The following LARP1B variants were observed in gnomAD, a reference collection of about 807,000 sequenced individuals.
LARP1B encodes the protein la-related protein 1B.
LARP1B carries 76 observed loss-of-function variants against 114.2 expected under a neutral mutation model. The ratio of observed to expected loss-of-function variants is 0.67; its 90% CI spans 0.55 to 0.81. The LOEUF (loss-of-function observed/expected upper bound fraction) is 0.81. Ranked by LOEUF, LARP1B falls within the 30% of genes least tolerant of loss-of-function variation. LARP1B has a pLI of 0.00. For missense variants in LARP1B, 1,014 were observed against 1,075.8 expected, an observed-to-expected ratio of 0.94 and a Z score of 0.80; for synonymous variants, 345 against 348.0, an observed-to-expected ratio of 0.99 and a Z score of 0.10.
chr4:128,213,631 G>T (rs1321831813), downstream of LARP1B, among the ~76,000 whole-genome samples: 2 of 152,188 alleles, frequency 1.3e-5, no homozygotes, highest in Non-Finnish European at 2.9e-5. Context: ...CAAAATTTAT[G>T]AAAGTCCCTA....
chr4:128,111,846 T>C (rs1027906693), intron 9 of LARP1B, among the ~76,000 whole-genome samples: 5 of 151,658 alleles, frequency 3.3e-5, no homozygotes, highest in African/African-American at 9.7e-5. Context: ...CACGCCTGGC[T>C]AATTTTTGTA....
At chr4:128,205,334 A>C (rs1426529836) in intron 17 of LARP1B, among the ~76,000 whole-genome samples, 3 of 152,234 alleles carry the variant, frequency 2.0e-5, no homozygotes, top group Non-Finnish European at 4.4e-5. Flanking sequence ...ATTCTAACTT[A>C]GGAGTGTTTT....
chr4:128,075,974 T>G (rs1220122472), intron 3 of LARP1B, among the ~76,000 whole-genome samples: 1 of 152,218 alleles, frequency 6.6e-6, no homozygotes, highest in Non-Finnish European at 1.5e-5. Flanking sequence ...TTTACCCGCT[T>G]TTCAGATAAC....
intron 11 of LARP1B, among the ~76,000 whole-genome samples, chr4:128,161,723 C>G (rs1738606696): frequency 6.6e-6 from 1 of 152,134 alleles, no homozygotes; most frequent in Non-Finnish European, 1.5e-5. Context: ...TCAAGAGGTG[C>G]TTTTGTCCCA....
At chr4:128,066,165 C>CTTTTTTTTT (rs59927866) in intron 1 of LARP1B, among the ~76,000 whole-genome samples, 426 of 99,154 alleles carry the variant, frequency 4.3e-3, no homozygotes, top group Middle Eastern at 0.01. Flanking sequence ...TTTCTTTCTT[C>CTTTTTTTTT]TTTTTTTTTT....
intron 7 of LARP1B, among the ~76,000 whole-genome samples, chr4:128,220,825 A>G (rs78039445): frequency 0.022 from 3,291 of 152,302 alleles, 72 homozygotes; most frequent in East Asian, 0.1. Flanking sequence ...AATGGATCCT[A>G]CCTAAAACAC....
At position 128,207,328 on chromosome 4, in the gene LARP1B, C is replaced by G. The variant is rs1195962404; in HGVS notation, c.2492C>G (p.Pro831Arg). 3.2e-6 allele frequency: 5 copies of G among 1,560,538 alleles called. No individual in the cohort carries two copies. The African/African-American group carries it at 6.8e-5, about 21-fold the overall frequency. ...YSQSKTQSIDPKLQEYLCSFK... is the reference protein window; with the variant it reads ...YSQSKTQSIDRKLQEYLCSFK... ...CAATCTAAGACACAGTCTATTGACC[C>G]AAAACTTCAGGAATACCTCTGTAGT... The change falls in exon 19 of 20, where the codon CCA (proline) becomes CGA (arginine). Residue 831 changes from proline to arginine, a missense_variant. By Grantham distance (103) the Pro-to-Arg change is moderately radical. Coordinates refer to ENST00000326639, the MANE Select transcript of LARP1B (RefSeq NM_018078.4).
At chr4:128,098,767 A>ATATATATTTTTTT (rs1328165907) in intron 8 of LARP1B, among the ~76,000 whole-genome samples, 1 of 35,034 alleles carries the variant, frequency 2.9e-5, no homozygotes, top group Non-Finnish European at 4.8e-5. Flanking sequence ...ATATATATAT[A>ATATATATTTTTTT]TTTTTTTTTT....
chr4:128,121,653 C>T (rs910955726), intron 10 of LARP1B, among the ~76,000 whole-genome samples, 173 bp from the exon 11 acceptor site: 2 of 152,090 alleles, frequency 1.3e-5, no homozygotes, highest in Non-Finnish European at 1.5e-5. Flanking sequence ...TTTCTTTAGT[C>T]TTAAATTTAC....
At chr4:128,093,566 G>A (rs943412485) in intron 7 of LARP1B, among the ~76,000 whole-genome samples, 3 of 151,800 alleles carry the variant, frequency 2.0e-5, no homozygotes, top group South Asian at 2.1e-4. Context: ...ACTGCAGTCC[G>A]GCCTGGGCAA....
intron 8 of LARP1B, among the ~76,000 whole-genome samples, chr4:128,101,561 GTTT>G (rs35662647): frequency 4.7e-5 from 6 of 128,684 alleles, no homozygotes; most frequent in Admixed American, 4.7e-4. Flanking sequence ...GAGAAAATTA[GTTT>G]TTTTTTTTTT....
At chr4:128,078,441 A>T (rs915946653) in intron 4 of LARP1B, among the ~76,000 whole-genome samples, 2 of 152,082 alleles carry the variant, frequency 1.3e-5, no homozygotes, top group African/African-American at 4.8e-5. Context: ...CACTAAAAAT[A>T]CACAAAAAAA....
At chr4:128,167,880 A>G (rs1741832328) in intron 12 of LARP1B, among the ~76,000 whole-genome samples, 1 of 152,116 alleles carries the variant, frequency 6.6e-6, no homozygotes, top group African/African-American at 2.4e-5. Context: ...AGAATCATAT[A>G]AAATACAGAC....
At chr4:128,153,896 C>T (rs763769678) in intron 11 of LARP1B, among the ~76,000 whole-genome samples, 2 of 152,054 alleles carry the variant, frequency 1.3e-5, no homozygotes, top group Non-Finnish European at 2.9e-5. Context: ...TTTTATTTTG[C>T]TTGGATGCCT....
chr4:128,115,376 A>G (rs1406568811), intron 10 of LARP1B, among the ~76,000 whole-genome samples: 4 of 152,186 alleles, frequency 2.6e-5, no homozygotes, highest in Non-Finnish European at 4.4e-5. Context: ...CCCCTGGGCA[A>G]CATAGGGTGA....
intron 15 of LARP1B, among the ~76,000 whole-genome samples, chr4:128,183,192 A>G (rs1749154814): frequency 6.6e-6 from 1 of 152,238 alleles, no homozygotes; most frequent in African/African-American, 2.4e-5. Context: ...ACCTTAAACA[A>G]TAGATTTTCA....
downstream of LARP1B, among the ~76,000 whole-genome samples, chr4:128,214,481 G>A (rs1759381258): frequency 6.6e-6 from 1 of 151,984 alleles, no homozygotes; most frequent in African/African-American, 2.4e-5. Flanking sequence ...GCCTCCTCAA[G>A]TGGGTCCCTG....
chr4:128,212,813 C>A (rs549173547), downstream of LARP1B, among the ~76,000 whole-genome samples: 3 of 151,640 alleles, frequency 2.0e-5, no homozygotes, highest in Non-Finnish European at 4.4e-5. Flanking sequence ...GCACAGTTTA[C>A]ACTTTTATCA....
chr4:128,176,064 C>A (rs1012213948), intron 12 of LARP1B, among the ~76,000 whole-genome samples: 1 of 148,062 alleles, frequency 6.8e-6, no homozygotes, highest in South Asian at 2.1e-4. Flanking sequence ...ATGTTTTTAT[C>A]TCTAGGATTG....
Sources: gnomAD v4.1 joint callset for allele counts (sites outside exome capture counted in the v4.1 genomes callset) on GRCh38, gnomAD v4.1.1 for gene constraint, MANE v1.5 for transcripts, NCBI Gene and HGNC (gene_info 2026-07-23, HGNC 2026-07-21) for gene names.